TSGA10IP: variants seen among roughly 807,000 people sequenced by gnomAD.
The protein encoded by TSGA10IP is testis specific 10 interacting protein, also known as testis-specific protein 10-interacting protein.
In TSGA10IP, 64 loss-of-function variants were observed where a neutral mutation model predicts 63.2. The ratio of observed to expected loss-of-function variants is 1.01; its 90% CI spans 0.83 to 1.25. The LOEUF (loss-of-function observed/expected upper bound fraction) is 1.25. Ranked by LOEUF, TSGA10IP falls within the 50% of genes most tolerant of loss-of-function variation. TSGA10IP has a pLI of 0.00. For missense variants in TSGA10IP, 681 were observed against 710.1 expected, an observed-to-expected ratio of 0.96 and a Z score of 0.47; for synonymous variants, 316 against 298.3, an observed-to-expected ratio of 1.06 and a Z score of -0.61.
At chr11:65,951,687 G>T (rs1488190150) in intron 4 of TSGA10IP, among the ~76,000 whole-genome samples, 2 of 146,738 alleles carry the variant, frequency 1.4e-5, no homozygotes, top group East Asian at 4.1e-4. Context: ...ACAGGTGCAT[G>T]CCACCACATC....
At chr11:65,945,809 C>G in exon 1 of TSGA10IP, 1 of 1,613,896 alleles carries the variant, frequency 6.2e-7, no homozygotes, top group South Asian at 1.1e-5. Flanking sequence ...TCGACCGTCT[C>G]TCAGGACAAG....
At chr11:65,959,443 AG>A in intron 7 of TSGA10IP, 129 bp downstream of exon 7, 1 of 1,390,094 alleles carries the variant, frequency 7.2e-7, no homozygotes, top group South Asian at 1.5e-5. Context: ...AGGCAAGGCC[AG>A]GGTTGTCATT....
At chr11:65,959,927 A>G (rs745400225) in exon 8 of TSGA10IP, 2 of 1,613,470 alleles carry the variant, frequency 1.2e-6, no homozygotes, top group African/African-American at 1.3e-5. Context: ...CTGGACCCGG[A>G]GTGCAGTCCC....
At chr11:65,953,230 C>T (rs2134877986) in intron 4 of TSGA10IP, among the ~76,000 whole-genome samples, 1 of 152,108 alleles carries the variant, frequency 6.6e-6, no homozygotes, top group East Asian at 1.9e-4. Flanking sequence ...AGGGTTTCAC[C>T]ATGATGACCA....
intron 5 of TSGA10IP, among the ~76,000 whole-genome samples, chr11:65,957,073 G>A (rs1855037141): frequency 6.6e-6 from 1 of 152,224 alleles, no homozygotes; most frequent in African/African-American, 2.4e-5. Flanking sequence ...CTGTGGGAGG[G>A]AGGGATGTGT....
At chr11:65,948,172 G>A (rs1048303685) in intron 4 of TSGA10IP, 24 bp downstream of exon 4, 3 of 1,592,408 alleles carry the variant, frequency 1.9e-6, no homozygotes, top group Non-Finnish European at 2.6e-6. Context: ...GAAGGGAGTG[G>A]GAGCCCAGAA....
At chr11:65,945,650 A>G (rs1395810061) in exon 1 of TSGA10IP, 1 of 1,609,596 alleles carries the variant, frequency 6.2e-7, no homozygotes, top group Non-Finnish European at 8.5e-7. Flanking sequence ...AGGCAGTTCT[A>G]CGGTGCGGAT....
At chr11:65,953,708 G>A in exon 5 of TSGA10IP, 2 of 1,568,108 alleles carry the variant, frequency 1.3e-6, no homozygotes. Flanking sequence ...GGGGCCCTGG[G>A]GCGGCCCAGC....
Position 65,958,988 on chromosome 11 carries a change from G to T in TSGA10IP, c.1422+6G>T, listed in dbSNP as rs1375363840. ...TGTTCCAGCAGGCTATGCAGGTGAG[G>T]CTGGCACCTGGGCAAGCACATAGCT... On this transcript the variant is annotated splice_donor_region_variant and intron_variant, in intron 6 of 7. Coordinates refer to ENST00000532620, the Ensembl canonical transcript of TSGA10IP. The T allele has an allele frequency of 1.9e-6, 3 of 1,612,594 alleles. No individual in the cohort carries two copies. In the African/African-American group the frequency reaches 4.0e-5, roughly 22 times the overall value.
exon 2 of TSGA10IP, chr11:65,946,919 C>G (rs533995446): frequency 6.2e-7 from 1 of 1,613,944 alleles, no homozygotes; most frequent in Non-Finnish European, 8.5e-7. Context: ...AAATCAAGAC[C>G]TGCAGCAGAG....
intron 5 of TSGA10IP, 21 bp from the exon 6 acceptor site, chr11:65,958,862 A>G: frequency 6.2e-7 from 1 of 1,604,672 alleles, no homozygotes; most frequent in South Asian, 1.1e-5. Flanking sequence ...TTAGCTGCAC[A>G]AAGGCCTGTC....
At chr11:65,950,703 C>T (rs1200376070) in intron 4 of TSGA10IP, among the ~76,000 whole-genome samples, 1 of 152,060 alleles carries the variant, frequency 6.6e-6, no homozygotes, top group Non-Finnish European at 1.5e-5. Flanking sequence ...GCTGGGACTA[C>T]AGGCACCCGC....
At position 65,947,305 on chromosome 11, in the gene TSGA10IP, C is replaced by A; in HGVS notation, c.480C>A (p.Cys160Ter). 6.2e-7 allele frequency: 1 copy of A among 1,612,352 alleles called. No homozygotes were observed. Among genetic ancestry groups the A allele is most frequent in the Non-Finnish European group, 8.5e-7 (1 of 1,179,448 alleles). ...CCAACCTCCCAGAGGCCCATGGCTG[C>A]TGCTGGAAGACAGAGGCGCAAAACC... The change falls in exon 3 of 8, where the codon TGC (cysteine) becomes TGA (stop). Residue 160 changes from cysteine (C) to a stop codon, truncating the protein, a stop_gained. Coordinates refer to ENST00000532620, the Ensembl canonical transcript of TSGA10IP. LOFTEE classifies it high-confidence loss of function.
At chr11:65,954,743 G>A (rs982938162) in intron 5 of TSGA10IP, among the ~76,000 whole-genome samples, 3 of 151,702 alleles carry the variant, frequency 2.0e-5, no homozygotes, top group South Asian at 2.1e-4. Flanking sequence ...GCTTGAACCC[G>A]GGAGATGGAG....
intron 4 of TSGA10IP, among the ~76,000 whole-genome samples, chr11:65,950,658 G>A (rs937520076): frequency 1.3e-5 from 2 of 151,972 alleles, no homozygotes; most frequent in Admixed American, 6.6e-5. Context: ...CGCCTCCCGG[G>A]TTCACGCCAT....
intron 4 of TSGA10IP, 46 bp from the exon 5 acceptor site, chr11:65,953,521 C>T (rs1242940987): frequency 2.0e-6 from 3 of 1,500,534 alleles, no homozygotes; most frequent in Non-Finnish European, 8.9e-7. Context: ...CCGTGAGGCT[C>T]CTGCTGCCCG....
intron 4 of TSGA10IP, among the ~76,000 whole-genome samples, chr11:65,949,501 C>G (rs1015796805): frequency 2.6e-5 from 4 of 151,288 alleles, no homozygotes; most frequent in Admixed American, 2.6e-4. Flanking sequence ...ACTGCAACCT[C>G]CGACTCCCAG....
Position 65,945,825 on chromosome 11 carries a change from G to T in TSGA10IP, c.147+3G>T. The T allele has an allele frequency of 1.2e-6, 2 of 1,613,628 alleles. No individual in the cohort carries two copies. Among genetic ancestry groups the T allele is most frequent in the South Asian group, 2.2e-5 (2 of 91,038 alleles). ...CGACCGTCTCTCAGGACAAGCAGGTGAGGGAGGCCCAGTGAGGACACTTCC... is the reference window on the plus strand; with the variant it reads ...CGACCGTCTCTCAGGACAAGCAGGTTAGGGAGGCCCAGTGAGGACACTTCC... On this transcript the variant is annotated splice_donor_region_variant and intron_variant, in intron 1 of 7. Coordinates refer to ENST00000532620, the Ensembl canonical transcript of TSGA10IP.
At chr11:65,953,570 C>A (rs762936511) in exon 5 of TSGA10IP, 4 of 1,581,968 alleles carry the variant, frequency 2.5e-6, no homozygotes, top group East Asian at 4.7e-5. Context: ...ACCCAAGGAG[C>A]CTGCTGCAGG....
Sources: gnomAD v4.1 joint callset for allele counts (sites outside exome capture counted in the v4.1 genomes callset) on GRCh38, gnomAD v4.1.1 for gene constraint, MANE v1.5 for transcripts, NCBI Gene and HGNC (gene_info 2026-07-23, HGNC 2026-07-21) for gene names.